The following PARN variants were observed in gnomAD, a reference collection of about 807,000 sequenced individuals.
PARN encodes the protein poly(A)-specific ribonuclease.
A neutral mutation model predicts 102.8 loss-of-function variants in PARN; 71 were observed. The ratio of observed to expected loss-of-function variants is 0.69; its 90% CI spans 0.57 to 0.84. The LOEUF (loss-of-function observed/expected upper bound fraction) is 0.84, where lower values mean the gene tolerates loss of function less well. Among genes scored for constraint, PARN ranks in the 40% least tolerant of loss-of-function variants. The pLI is 0.00. For synonymous variants in PARN, 261 were observed against 252.9 expected (o/e 1.03, Z -0.30); for missense variants, 782 against 760.9 (o/e 1.03, Z -0.33).
At chr16:14,474,165 G>T (rs1962910921) in intron 22 of PARN, among the ~76,000 whole-genome samples, 1 of 151,788 alleles carries the variant, frequency 6.6e-6, no homozygotes, top group African/African-American at 2.4e-5. Flanking sequence ...GCTAATTTTT[G>T]TTTGTTTGTT....
chr16:14,539,823 T>C (rs757535984), intron 21 of PARN, among the ~76,000 whole-genome samples: 3 of 152,212 alleles, frequency 2.0e-5, no homozygotes, highest in Non-Finnish European at 2.9e-5. Flanking sequence ...TCTGTGGATT[T>C]AACCGACTCA....
chr16:14,504,186 T>C (rs991585394), intron 21 of PARN, among the ~76,000 whole-genome samples: 4 of 152,204 alleles, frequency 2.6e-5, no homozygotes, highest in African/African-American at 9.6e-5. Flanking sequence ...AAATTAAAAA[T>C]GTCTTCAAAA....
chr16:14,491,456 T>C (rs1283214809), intron 21 of PARN, among the ~76,000 whole-genome samples: 6 of 152,020 alleles, frequency 3.9e-5, no homozygotes, highest in Non-Finnish European at 5.9e-5. Context: ...ATTCAACATA[T>C]GATCATAGGA....
chr16:14,446,183 T>C (rs12918613), intron 23 of PARN, among the ~76,000 whole-genome samples: 24,855 of 152,164 alleles, frequency 0.16, 2,109 homozygotes, highest in East Asian at 0.25. Flanking sequence ...CATGTGTGCA[T>C]GAAGGGCTGA....
At position 14,584,402 on chromosome 16, in the gene PARN, G is replaced by A. The variant is rs1187288468; in HGVS notation, c.1026C>T (p.Ser342=). Residue 342 remains serine, a synonymous_variant, in exon 16 of 24, where the codon TCC becomes TCT. Transcript: ENST00000437198. ...TTAACCGCTTTTCCAATTCCGCAAGGGATGTGTTGTTAATGATATCCTGCA... is the reference window on the plus strand; with the variant it reads ...TTAACCGCTTTTCCAATTCCGCAAGAGATGTGTTGTTAATGATATCCTGCA... ...QPFKDIINNT[S]LAELEKRLKE... The A allele has an allele frequency of 1.2e-6, 2 of 1,613,020 alleles. No homozygotes were observed. The highest frequency in any genetic ancestry group is 1.3e-5 in the African/African-American group (1 of 74,986).
chr16:14,598,357 C>G (rs115594380), intron 12 of PARN, among the ~76,000 whole-genome samples: 1 of 152,052 alleles, frequency 6.6e-6, no homozygotes, highest in African/African-American at 2.4e-5. Context: ...AAAACAGGTA[C>G]AGCAAGCTAA....
intron 21 of PARN, among the ~76,000 whole-genome samples, chr16:14,489,678 G>A (rs932138442): frequency 2.0e-5 from 3 of 152,152 alleles, no homozygotes; most frequent in African/African-American, 2.4e-5. Context: ...GTGGCTAAGG[G>A]CATTTTTGCA....
At chr16:14,624,482 CT>C (rs1330024245) in intron 5 of PARN, among the ~76,000 whole-genome samples, 1 of 152,098 alleles carries the variant, frequency 6.6e-6, no homozygotes, top group African/African-American at 2.4e-5. Flanking sequence ...TCTATGATAG[CT>C]TTTTTTAAAG....
chr16:14,606,562 T>A (rs1207711183), intron 9 of PARN, 36 bp from the exon 10 acceptor site: 1 of 1,188,586 alleles, frequency 8.4e-7, no homozygotes, highest in Non-Finnish European at 1.2e-6. Context: ...AGTAGATGAG[T>A]CAATGACAGC....
intron 21 of PARN, among the ~76,000 whole-genome samples, chr16:14,528,909 C>A (rs964416386): frequency 6.6e-6 from 1 of 152,152 alleles, no homozygotes; most frequent in African/African-American, 2.4e-5. Context: ...AAACTGGATT[C>A]ATGAGTTTTC....
rs1277291352 is a variant in PARN, at chr16:14,609,127, A to C, written c.555-4T>G. The stretch of plus-strand genomic sequence containing the variant: ...TAATAAATCCTCTATTTTCTCTCTG[A>C]GGAATAAGAATAGACCATAACCATC... On this transcript the variant is annotated splice_polypyrimidine_tract_variant and splice_region_variant and intron_variant, in intron 7 of 23. Coordinates refer to ENST00000437198, the MANE Select transcript of PARN (RefSeq NM_002582.4). The C allele has an allele frequency of 2.1e-6, 3 of 1,433,934 alleles. No individual in the cohort carries two copies. The highest frequency in any genetic ancestry group is 1.9e-6 in the Non-Finnish European group (2 of 1,031,896). 88.8% of individuals were successfully genotyped at this position (1,433,934 alleles called of 1,614,324 possible).
chr16:14,564,432 T>C (rs999353141), intron 18 of PARN, among the ~76,000 whole-genome samples: 3 of 152,176 alleles, frequency 2.0e-5, no homozygotes, highest in South Asian at 2.1e-4. Context: ...AAGAGAGCCA[T>C]GTGGCCGGAG....
At chr16:14,450,094 C>G (rs1401803124) in intron 22 of PARN, among the ~76,000 whole-genome samples, 1 of 152,314 alleles carries the variant, frequency 6.6e-6, no homozygotes, top group East Asian at 1.9e-4. Flanking sequence ...GAATACGCAA[C>G]AGTACATACA....
chr16:14,469,653 G>A (rs1962597617), intron 22 of PARN, among the ~76,000 whole-genome samples: 1 of 151,494 alleles, frequency 6.6e-6, no homozygotes, highest in Admixed American at 6.6e-5. Context: ...CAAACATGCT[G>A]CAGTTTCTGC....
At chr16:14,569,486 C>T (rs202137875) in intron 18 of PARN, among the ~76,000 whole-genome samples, 84 of 152,302 alleles carry the variant, frequency 5.5e-4, no homozygotes, top group Middle Eastern at 3.4e-3. Flanking sequence ...CCGACCCACC[C>T]TGAAGCCTCA....
intron 21 of PARN, among the ~76,000 whole-genome samples, chr16:14,542,243 TA>T (rs1415813148): frequency 6.6e-6 from 1 of 151,920 alleles, no homozygotes; most frequent in Non-Finnish European, 1.5e-5. Context: ...TACGCTCCAG[TA>T]ATCTTCCCTC....
At chr16:14,566,585 C>CACAGAACACTAATCCAATACCCT (rs1414198142) in intron 18 of PARN, among the ~76,000 whole-genome samples, 1 of 152,206 alleles carries the variant, frequency 6.6e-6, no homozygotes. Context: ...TCACAGCAGC[C>CACAGAACACTAATCCAATACCCT]ACAGAACACT....
At chr16:14,563,060 G>C (rs544428769) in intron 18 of PARN, among the ~76,000 whole-genome samples, 2 of 152,322 alleles carry the variant, frequency 1.3e-5, no homozygotes, top group Non-Finnish European at 2.9e-5. Context: ...ATGCATGCAA[G>C]CAGTCCTAAA....
At position 14,476,207 on chromosome 16, in the gene PARN, AAATT is replaced by A. The variant is rs376033507; in HGVS notation, c.1670+6427_1670+6430del. 7.7e-3 allele frequency among the ~76,000 whole-genome samples: 1,177 copies of A among 152,350 alleles called. 10 individuals are homozygous for A. The highest frequency in any genetic ancestry group is 9.6e-3 in the Non-Finnish European group (654 of 68,034). ...ACCATTTAAAAAGGAAAAAGAAGTC[AAATT>A]AATTTAATATTTTTAACCTCATATA... On this transcript the variant is annotated intron_variant, in intron 22 of 23. Transcript: ENST00000437198.
Sources: gnomAD v4.1 joint callset for allele counts (sites outside exome capture counted in the v4.1 genomes callset) on GRCh38, gnomAD v4.1.1 for gene constraint, MANE v1.5 for transcripts, NCBI Gene and HGNC (gene_info 2026-07-23, HGNC 2026-07-21) for gene names.